The following PHF20L1 variants were observed in gnomAD, a reference collection of about 807,000 sequenced individuals.
The protein encoded by PHF20L1 is PHD finger protein 20 like 1, also known as PHD finger protein 20-like protein 1.
PHF20L1 carries 44 observed loss-of-function variants against 125.5 expected under a neutral mutation model. The observed-to-expected ratio is 0.35, with a 90% CI of 0.28 to 0.45. The LOEUF (loss-of-function observed/expected upper bound fraction) is 0.45, where lower values mean the gene tolerates loss of function less well. Ranked by LOEUF, PHF20L1 falls within the 20% of genes least tolerant of loss-of-function variation. The pLI is 1.00. For missense variants in PHF20L1, 1,012 were observed against 1,217.2 expected (o/e 0.83, Z 2.51); for synonymous variants, 380 against 403.1 (o/e 0.94, Z 0.69).
chr8:132,775,720 G>A (rs1215357601), intron 1 of PHF20L1, 75 bp downstream of exon 1: 1 of 308,500 alleles, frequency 3.2e-6, no homozygotes, highest in African/African-American at 2.2e-5. Context: ...CCATTCTGGT[G>A]TCTCTCTTTC....
intron 2 of PHF20L1, among the ~76,000 whole-genome samples, chr8:132,779,046 G>A (rs1830137734): frequency 6.6e-6 from 1 of 152,120 alleles, no homozygotes; most frequent in African/African-American, 2.4e-5. Flanking sequence ...GACCAGGCTG[G>A]GGTTTCTCTC....
At chr8:132,780,019 T>C (rs1180232466) in intron 2 of PHF20L1, among the ~76,000 whole-genome samples, 4 of 152,218 alleles carry the variant, frequency 2.6e-5, no homozygotes, top group Admixed American at 6.5e-5. Flanking sequence ...AAACTTGTTA[T>C]CAGTTTTATT....
intron 12 of PHF20L1, 72 bp from the exon 13 acceptor site, chr8:132,823,932 G>T: frequency 1.2e-6 from 1 of 844,830 alleles, no homozygotes. Context: ...ATGAGCAATT[G>T]TAATGTAAAA....
intron 19 of PHF20L1, 43 bp from the exon 20 acceptor site, chr8:132,844,113 A>C (rs1745526826): frequency 6.2e-7 from 1 of 1,607,986 alleles, no homozygotes; most frequent in Middle Eastern, 1.7e-4. Context: ...ACTGCATTTC[A>C]TCCCGTTCTT....
intron 13 of PHF20L1, chr8:132,824,999 T>C: frequency 7.2e-7 from 1 of 1,385,042 alleles, no homozygotes; most frequent in South Asian, 1.1e-5. Context: ...ATATTACTCA[T>C]TGAAGGTTTT....
chr8:132,813,864 T>A (rs1444447935), intron 9 of PHF20L1, among the ~76,000 whole-genome samples: 1 of 151,948 alleles, frequency 6.6e-6, no homozygotes, highest in Non-Finnish European at 1.5e-5. Context: ...ACTGACAAAG[T>A]TCTAATTTTT....
At chr8:132,834,116 A>G (rs188378925) in intron 15 of PHF20L1, among the ~76,000 whole-genome samples, 8 of 152,042 alleles carry the variant, frequency 5.3e-5, no homozygotes, top group East Asian at 3.9e-4. Context: ...GTAAGGGGGA[A>G]CTTTTATTTG....
rs1838525740 is a variant in PHF20L1 at position 132,847,861 on chromosome 8, C to G, written c.*1938C>G. ...AAAGTAAAAAAGTAGTGCCTGTATT[C>G]CATGTGTGGAGTAAATTTGCTAATG... is the stretch of plus-strand genomic sequence containing the variant. On this transcript the variant is annotated 3_prime_UTR_variant, in exon 21 of 21. Transcript: ENST00000395386. 6.6e-6 allele frequency: 1 copy of G among 152,268 alleles called. No individual in the cohort carries two copies. The highest frequency in any genetic ancestry group is 2.1e-4 in the South Asian group (1 of 4,826). 9.4% of individuals were successfully genotyped at this position (152,268 alleles called of 1,614,324 possible).
intron 5 of PHF20L1, 67 bp from the exon 6 acceptor site, chr8:132,799,028 A>T: frequency 7.3e-7 from 1 of 1,361,328 alleles, no homozygotes; most frequent in South Asian, 1.2e-5. Flanking sequence ...AAAATAAATT[A>T]TACATTTGAT....
chr8:132,799,029 T>C (rs1832731040), intron 5 of PHF20L1, 66 bp from the exon 6 acceptor site: 3 of 1,381,780 alleles, frequency 2.2e-6, no homozygotes, highest in African/African-American at 1.4e-5. Context: ...AAATAAATTA[T>C]ACATTTGATT....
intron 12 of PHF20L1, among the ~76,000 whole-genome samples, chr8:132,822,409 C>T (rs1275542980): frequency 6.6e-6 from 1 of 151,886 alleles, no homozygotes; most frequent in African/African-American, 2.4e-5. Flanking sequence ...ATCATTGTTC[C>T]ACCTTTTCCC....
intron 7 of PHF20L1, 101 bp from the exon 8 acceptor site, chr8:132,804,514 A>AACTAATGT: frequency 1.2e-6 from 1 of 846,874 alleles, no homozygotes; most frequent in South Asian, 1.8e-5. Context: ...AGATTAAAAA[A>AACTAATGT]ACTAATGTGC....
chr8:132,787,398 T>G (rs1831176256), intron 2 of PHF20L1, among the ~76,000 whole-genome samples: 1 of 152,060 alleles, frequency 6.6e-6, no homozygotes, highest in Non-Finnish European at 1.5e-5. Flanking sequence ...GTAAAAGTTG[T>G]GGACAAGTAG....
chr8:132,822,929 A>AT (rs1835759589), intron 12 of PHF20L1, among the ~76,000 whole-genome samples: 1 of 151,948 alleles, frequency 6.6e-6, no homozygotes, highest in African/African-American at 2.4e-5. Context: ...AATAGACTAA[A>AT]ATTGTATTTT....
intron 12 of PHF20L1, among the ~76,000 whole-genome samples, chr8:132,821,802 T>A (rs1835634224): frequency 6.6e-6 from 1 of 151,914 alleles, no homozygotes; most frequent in Non-Finnish European, 1.5e-5. Flanking sequence ...TGTGTTTTGG[T>A]TTTTGTTGTT....
intron 6 of PHF20L1, 179 bp from the exon 7 acceptor site, chr8:132,803,640 A>C: frequency 1.8e-6 from 1 of 554,850 alleles, no homozygotes; most frequent in South Asian, 2.5e-5. Flanking sequence ...AACTCATTTG[A>C]TTATTAAATT....
intron 15 of PHF20L1, among the ~76,000 whole-genome samples, chr8:132,833,200 A>T (rs1836965554): frequency 6.6e-6 from 1 of 152,044 alleles, no homozygotes; most frequent in Admixed American, 6.6e-5. Flanking sequence ...GATCCTTGTG[A>T]GTGAGCTCAC....
At chr8:132,836,462 C>T (rs1490530819) in intron 15 of PHF20L1, 78 bp from the exon 16 acceptor site, 2 of 925,348 alleles carry the variant, frequency 2.2e-6, no homozygotes, top group Admixed American at 2.3e-5. Context: ...ATGTTCACTT[C>T]TCATAGCTCC....
intron 12 of PHF20L1, chr8:132,818,957 A>G (rs1835279837): frequency 6.6e-6 from 1 of 151,968 alleles, no homozygotes; most frequent in South Asian, 2.1e-4. Flanking sequence ...ATATAGGCCA[A>G]TATAAGTAAC....
Sources: allele counts gnomAD v4.1 joint callset (sites outside exome capture counted in the v4.1 genomes callset), GRCh38; gene constraint gnomAD v4.1.1; transcripts MANE v1.5; gene names NCBI Gene and HGNC (gene_info 2026-07-23, HGNC 2026-07-21).